Variants in C1orf122 observed in about 807,000 individuals in gnomAD.
C1orf122 encodes uncharacterized protein C1orf122.
In C1orf122, 12 loss-of-function variants were observed where a neutral mutation model predicts 12.9. That is an observed-to-expected ratio of 0.93 (90% confidence interval 0.60 to 1.51). The LOEUF (loss-of-function observed/expected upper bound fraction) is 1.51, where lower values mean the gene tolerates loss of function less well. C1orf122 is among the 40% of genes most tolerant of loss of function. The probability of loss-of-function intolerance (pLI) is 0.00; values close to 1 mark genes in which losing one functional copy is unlikely to be tolerated. For synonymous variants in C1orf122, 57 were observed against 73.4 expected (o/e 0.78, Z 1.14); for missense variants, 144 against 162.1 (o/e 0.89, Z 0.61).
At position 37,808,731 on chromosome 1, in the gene C1orf122, G is replaced by T; in HGVS notation, c.236G>T (p.Gly79Val). 7.0e-7 allele frequency: 1 copy of T among 1,429,536 alleles called. No individual in the cohort carries two copies. Among genetic ancestry groups the T allele is most frequent in the South Asian group, 1.5e-5 (1 of 66,318 alleles). 88.6% of individuals were successfully genotyped at this position (1,429,536 alleles called of 1,614,324 possible). A position where few individuals can be genotyped will look rare whatever the true frequency, so the allele number is the denominator to read the frequency against. The change falls in exon 2 of 3, where the codon GGG becomes GTG. Residue 79 changes from glycine (G) to valine (V), a missense_variant and splice_region_variant. Transcript: ENST00000373042. ...GRRRPEPAGG[G>V]NVSAKPGAPP... ...CGGCGCCCGGAGCCGGCTGGTGGCGGGGTTAGTGCCCACCCTGGGCTGGGC... is the reference window on the plus strand; with the variant it reads ...CGGCGCCCGGAGCCGGCTGGTGGCGTGGTTAGTGCCCACCCTGGGCTGGGC...
Position 37,808,628 on chromosome 1 carries a change from G to C in C1orf122, c.133G>C (p.Asp45His). ...PREERAQQLL[D>H]AVEQRQRQLL... ...GGAGGAGCGCGCCCAGCAGCTGCTG[G>C]ACGCGGTGGAGCAGCGGCAGCGGCA... Residue 45 changes from aspartate (D) to histidine (H), a missense_variant, in exon 2 of 3, where the codon GAC becomes CAC. Physicochemically the swap from Asp to His is moderately conservative, Grantham distance 81. Coordinates refer to ENST00000373042, the MANE Select transcript of C1orf122 (RefSeq NM_198446.3). 7.6e-7 allele frequency: 1 copy of C among 1,320,682 alleles called. No individual in the cohort carries two copies. Among genetic ancestry groups the C allele is most frequent in the Non-Finnish European group, 9.6e-7 (1 of 1,037,520 alleles). The allele number at this position is 1,320,682 out of a possible 1,614,324, so 81.8% of individuals were successfully genotyped here. A position where few individuals can be genotyped will look rare whatever the true frequency, so the allele number is the denominator to read the frequency against.
rs1280940856 is a variant in C1orf122 at position 37,807,882 on chromosome 1, G to A, written c.-523G>A. ...GCGGTACACAGCGCGCAGAGCCGCC[G>A]AGCAGCTCGCCGCGCAGGCCAGGCC... On this transcript the variant is annotated 5_prime_UTR_variant, in exon 1 of 3. Coordinates refer to ENST00000373042, the MANE Select transcript of C1orf122 (RefSeq NM_198446.3). 2 of 1,457,544 alleles carry A rather than the reference G, an allele frequency of 1.4e-6. No homozygotes were observed. The highest frequency in any genetic ancestry group is 1.8e-6 in the Non-Finnish European group (2 of 1,103,064). The allele number at this position is 1,457,544 out of a possible 1,614,324, so 90.3% of individuals were successfully genotyped here. A position where few individuals can be genotyped will look rare whatever the true frequency, so the allele number is the denominator to read the frequency against.
At position 37,808,154 on chromosome 1, in the gene C1orf122, C is replaced by G. The variant is rs1023210520; in HGVS notation, c.-251C>G. 6.1e-6 allele frequency: 9 copies of G among 1,465,740 alleles called. No homozygotes were observed. In the South Asian group the frequency reaches 9.0e-5, roughly 15 times the overall value. The allele number at this position is 1,465,740 out of a possible 1,614,324, so 90.8% of individuals were successfully genotyped here. On this transcript the variant is annotated 5_prime_UTR_variant, in exon 1 of 3. In the 5' UTR this introduces an upstream ATG that the reference lacks. Transcript: ENST00000373042. ...CGCTGGCAGCCACCGCGGCCCTCAT[C>G]CCCCTGCACCGACGCGCCGGAGACA...
In C1orf122 at chr1:37,809,354, G is replaced by T; in HGVS notation, c.*281G>T. The T allele has an allele frequency of 2.0e-6, 1 of 505,208 alleles. No individual in the cohort carries two copies. Among genetic ancestry groups the T allele is most frequent in the South Asian group, 2.0e-5 (1 of 49,070 alleles). 31.3% of individuals were successfully genotyped at this position (505,208 alleles called of 1,614,324 possible). A position where few individuals can be genotyped will look rare whatever the true frequency, so the allele number is the denominator to read the frequency against. Reference sequence around the variant, plus strand: ...CAGAGTGGTCTGGCCTGCTATGGGGGATCCAGGTGGTGTTACATGTCCATT... The same window carrying T: ...CAGAGTGGTCTGGCCTGCTATGGGGTATCCAGGTGGTGTTACATGTCCATT... On this transcript the variant is annotated 3_prime_UTR_variant, in exon 3 of 3. Coordinates refer to ENST00000373042, the MANE Select transcript of C1orf122 (RefSeq NM_198446.3).
chr1:37,808,690 A>G lies in C1orf122; in HGVS notation c.195A>G (p.Leu65=), dbSNP rs775204706. 2.0e-5 allele frequency: 29 copies of G among 1,428,104 alleles called. No individual in the cohort carries two copies. The highest frequency in any genetic ancestry group is 2.3e-4 in the Middle Eastern group (1 of 4,408). The allele number at this position is 1,428,104 out of a possible 1,614,324, so 88.5% of individuals were successfully genotyped here. The change falls in exon 2 of 3, where the codon TTA becomes TTG. Residue 65 remains leucine (L), a synonymous_variant. Coordinates refer to ENST00000373042, the MANE Select transcript of C1orf122 (RefSeq NM_198446.3). ...CCATCGCAGCCTGCGAGGAGATGTT[A>G]CGGCAGCTGGGCCGCCGGCGCCCGG... is the stretch of plus-strand genomic sequence containing the variant. ...LDTIAACEEM[L]RQLGRRRPEP...
At position 37,807,839 on chromosome 1, in the gene C1orf122, C is replaced by T; in HGVS notation, c.-566C>T. 6.6e-7 allele frequency: 1 copy of T among 1,509,164 alleles called. No homozygotes were observed. Among genetic ancestry groups the T allele is most frequent in the Non-Finnish European group, 8.8e-7 (1 of 1,133,508 alleles). 93.5% of individuals were successfully genotyped at this position (1,509,164 alleles called of 1,614,324 possible). A position where few individuals can be genotyped will look rare whatever the true frequency, so the allele number is the denominator to read the frequency against. ...CGAGGCATACGGCCAGAGGCTTGGCCTCGCTGCGACCCTTGAGGCGGTACA... is the reference window on the plus strand; with the variant it reads ...CGAGGCATACGGCCAGAGGCTTGGCTTCGCTGCGACCCTTGAGGCGGTACA... On this transcript the variant is annotated 5_prime_UTR_variant, in exon 1 of 3. Coordinates refer to ENST00000373042, the MANE Select transcript of C1orf122 (RefSeq NM_198446.3).
Position 37,808,111 on chromosome 1 carries a change from GC to G in C1orf122, c.-290del. The G allele has an allele frequency of 6.9e-7, 1 of 1,445,550 alleles. No individual in the cohort carries two copies. Among genetic ancestry groups the G allele is most frequent in the Non-Finnish European group, 9.1e-7 (1 of 1,104,192 alleles). The allele number at this position is 1,445,550 out of a possible 1,614,324, so 89.5% of individuals were successfully genotyped here. ...AGGCGACCGCTCCGGGAGCCAGCAG[GC>G]CCCTCGCTCAACCCCACGCTGGCAG... On this transcript the variant is annotated 5_prime_UTR_variant, in exon 1 of 3. Coordinates refer to ENST00000373042, the MANE Select transcript of C1orf122 (RefSeq NM_198446.3).
At position 37,807,795 on chromosome 1, in the gene C1orf122, T is replaced by C; in HGVS notation, c.-610T>C. On this transcript the variant is annotated 5_prime_UTR_variant, in exon 1 of 3. Coordinates refer to ENST00000373042, the MANE Select transcript of C1orf122 (RefSeq NM_198446.3). ...GGCCGGGTCGGGGCGGCCTTACCTG[T>C]AGACGTCGGCCACGCGGCCGAGGCA... The C allele has an allele frequency of 6.6e-7, 1 of 1,508,808 alleles. No homozygotes were observed. The highest frequency in any genetic ancestry group is 8.8e-7 in the Non-Finnish European group (1 of 1,132,926). The allele number at this position is 1,508,808 out of a possible 1,614,324, so 93.5% of individuals were successfully genotyped here.
In C1orf122 at chr1:37,808,338, G is replaced by A; in HGVS notation, c.-67G>A. ...ACGGGGCGGGGCGCAGCCTTGCGAA[G>A]CCCTAACGCAGCGCTGGGGAGGGGG... On this transcript the variant is annotated 5_prime_UTR_variant, in exon 1 of 3. Coordinates refer to ENST00000373042, the MANE Select transcript of C1orf122 (RefSeq NM_198446.3). 7.8e-7 allele frequency: 1 copy of A among 1,281,716 alleles called. No homozygotes were observed. The highest frequency in any genetic ancestry group is 9.8e-7 in the Non-Finnish European group (1 of 1,015,316). 79.4% of individuals were successfully genotyped at this position (1,281,716 alleles called of 1,614,324 possible).
rs1317130286 is a variant in C1orf122, at chr1:37,808,160, G to C, written c.-245G>C. The C allele has an allele frequency of 1.4e-6, 2 of 1,460,160 alleles. No homozygotes were observed. The highest frequency in any genetic ancestry group is 3.0e-5 in the East Asian group (1 of 33,150). 90.5% of individuals were successfully genotyped at this position (1,460,160 alleles called of 1,614,324 possible). A position where few individuals can be genotyped will look rare whatever the true frequency, so the allele number is the denominator to read the frequency against. On this transcript the variant is annotated 5_prime_UTR_variant, in exon 1 of 3. Coordinates refer to ENST00000373042, the MANE Select transcript of C1orf122 (RefSeq NM_198446.3). ...CAGCCACCGCGGCCCTCATCCCCCT[G>C]CACCGACGCGCCGGAGACATCCGCC...
chr1:37,808,780 C>T lies in C1orf122; in HGVS notation c.237+48C>T. 2.1e-6 allele frequency: 3 copies of T among 1,458,554 alleles called. 1 individual carries two copies. Among genetic ancestry groups the T allele is most frequent in the South Asian group, 2.8e-5 (2 of 71,468 alleles). The allele number at this position is 1,458,554 out of a possible 1,614,324, so 90.4% of individuals were successfully genotyped here. A position where few individuals can be genotyped will look rare whatever the true frequency, so the allele number is the denominator to read the frequency against. ...GCTGGGGTGGGGTGGGGTCTGCCCA[C>T]TGGCTAGGCTGGCCAAGCCCTAGCT... On this transcript the variant is annotated intron_variant, in intron 2 of 2. Coordinates refer to ENST00000373042, the MANE Select transcript of C1orf122 (RefSeq NM_198446.3).
rs1646758017 is a variant in C1orf122, at chr1:37,808,349, G to C, written c.-56G>C. 7.8e-7 allele frequency: 1 copy of C among 1,282,064 alleles called. No homozygotes were observed. The highest frequency in any genetic ancestry group is 1.5e-5 in the African/African-American group (1 of 64,712). The allele number at this position is 1,282,064 out of a possible 1,614,324, so 79.4% of individuals were successfully genotyped here. On this transcript the variant is annotated 5_prime_UTR_variant, in exon 1 of 3. Transcript: ENST00000373042. ...CGCAGCCTTGCGAAGCCCTAACGCA[G>C]CGCTGGGGAGGGGGGCGGCCGAAAG...
Position 37,809,363 on chromosome 1 carries a change from G to A in C1orf122, c.*290G>A, listed in dbSNP as rs1284890709. On this transcript the variant is annotated 3_prime_UTR_variant, in exon 3 of 3. Coordinates refer to ENST00000373042, the MANE Select transcript of C1orf122 (RefSeq NM_198446.3). ...CTGGCCTGCTATGGGGGATCCAGGTGGTGTTACATGTCCATTTCATGTTTT... is the reference window on the plus strand; with the variant it reads ...CTGGCCTGCTATGGGGGATCCAGGTAGTGTTACATGTCCATTTCATGTTTT... The A allele has an allele frequency of 2.1e-6, 1 of 481,710 alleles. No homozygotes were observed. Among genetic ancestry groups the A allele is most frequent in the South Asian group, 2.1e-5 (1 of 48,374 alleles). 29.8% of individuals were successfully genotyped at this position (481,710 alleles called of 1,614,324 possible).
At position 37,808,097 on chromosome 1, in the gene C1orf122, C is replaced by G; in HGVS notation, c.-308C>G. 3 of 1,417,492 alleles carry G rather than the reference C, an allele frequency of 2.1e-6. No homozygotes were observed. The highest frequency in any genetic ancestry group is 2.8e-6 in the Non-Finnish European group (3 of 1,089,742). The allele number at this position is 1,417,492 out of a possible 1,614,324, so 87.8% of individuals were successfully genotyped here. A position where few individuals can be genotyped will look rare whatever the true frequency, so the allele number is the denominator to read the frequency against. On this transcript the variant is annotated 5_prime_UTR_variant, in exon 1 of 3. Coordinates refer to ENST00000373042, the MANE Select transcript of C1orf122 (RefSeq NM_198446.3). Reference sequence around the variant, plus strand: ...TCGGCGGGCGGAAGAGGCGACCGCTCCGGGAGCCAGCAGGCCCCTCGCTCA... The same window carrying G: ...TCGGCGGGCGGAAGAGGCGACCGCTGCGGGAGCCAGCAGGCCCCTCGCTCA...
rs370868306 is a variant in C1orf122 at position 37,808,172 on chromosome 1, C to A, written c.-233C>A. 2.7e-6 allele frequency: 4 copies of A among 1,454,568 alleles called. No individual in the cohort carries two copies. In the South Asian group the frequency reaches 3.9e-5, roughly 14 times the overall value. 90.1% of individuals were successfully genotyped at this position (1,454,568 alleles called of 1,614,324 possible). ...CCCTCATCCCCCTGCACCGACGCGC[C>A]GGAGACATCCGCCCAGGCCCGCTTC... On this transcript the variant is annotated 5_prime_UTR_variant, in exon 1 of 3. Coordinates refer to ENST00000373042, the MANE Select transcript of C1orf122 (RefSeq NM_198446.3).
In C1orf122 at chr1:37,808,585, A is replaced by AC; in HGVS notation, c.95dup (p.Gln33ThrfsTer127). On this transcript the variant is annotated frameshift_variant, in exon 2 of 3. Transcript: ENST00000373042. LOFTEE classifies it high-confidence loss of function. Reference sequence around the variant, plus strand: ...CGGGGCTGGGGCTCGGCGGGAGGCCACCCCCACAGCCGCCCCGGGAGGAGC... The same window carrying AC: ...CGGGGCTGGGGCTCGGCGGGAGGCCACCCCCCACAGCCGCCCCGGGAGGAGC... 1 of 1,289,884 alleles carries AC rather than the reference A, an allele frequency of 7.8e-7. No individual in the cohort carries two copies. Among genetic ancestry groups the AC allele is most frequent in the Non-Finnish European group, 9.8e-7 (1 of 1,020,150 alleles). 79.9% of individuals were successfully genotyped at this position (1,289,884 alleles called of 1,614,324 possible).
chr1:37,809,214 T>TA lies in C1orf122; in HGVS notation c.*142dup. On this transcript the variant is annotated 3_prime_UTR_variant, in exon 3 of 3. Coordinates refer to ENST00000373042, the MANE Select transcript of C1orf122 (RefSeq NM_198446.3). ...TCTCAGCCTGGAGTGGCAGCTCTGC[T>TA]AGCAGCTGGGTTCACTCCCACTTCA... 2 of 1,022,892 alleles carry TA rather than the reference T, an allele frequency of 2.0e-6. No individual in the cohort carries two copies. Among genetic ancestry groups the TA allele is most frequent in the Non-Finnish European group, 3.1e-6 (2 of 641,058 alleles). 63.4% of individuals were successfully genotyped at this position (1,022,892 alleles called of 1,614,324 possible). A position where few individuals can be genotyped will look rare whatever the true frequency, so the allele number is the denominator to read the frequency against.
Position 37,808,388 on chromosome 1 carries a change from G to C in C1orf122, c.-17G>C, listed in dbSNP as rs1646758645. On this transcript the variant is annotated 5_prime_UTR_variant, in exon 1 of 3. Transcript: ENST00000373042. ...GGCGGCCGAAAGGGGGGCGGTGGTC[G>C]GGCCGCGCAAGCGGAGATGGAATGG... The C allele has an allele frequency of 1.6e-6, 2 of 1,288,768 alleles. No individual in the cohort carries two copies. Among genetic ancestry groups the C allele is most frequent in the Non-Finnish European group, 2.0e-6 (2 of 1,019,670 alleles). The allele number at this position is 1,288,768 out of a possible 1,614,324, so 79.8% of individuals were successfully genotyped here.
Position 37,808,114 on chromosome 1 carries a change from C to G in C1orf122, c.-291C>G, listed in dbSNP as rs763215787. 2 of 1,452,616 alleles carry G rather than the reference C, an allele frequency of 1.4e-6. No homozygotes were observed. Among genetic ancestry groups the G allele is most frequent in the East Asian group, 3.0e-5 (1 of 33,038 alleles). 90.0% of individuals were successfully genotyped at this position (1,452,616 alleles called of 1,614,324 possible). ...CGACCGCTCCGGGAGCCAGCAGGCCCCTCGCTCAACCCCACGCTGGCAGCC... is the reference window on the plus strand; with the variant it reads ...CGACCGCTCCGGGAGCCAGCAGGCCGCTCGCTCAACCCCACGCTGGCAGCC... On this transcript the variant is annotated 5_prime_UTR_variant, in exon 1 of 3. Transcript: ENST00000373042.
Sources: allele counts gnomAD v4.1 joint callset, GRCh38; gene constraint gnomAD v4.1.1; transcripts MANE v1.5; gene names NCBI Gene and HGNC (gene_info 2026-07-23, HGNC 2026-07-21).